Variants in LURAP1L observed in about 807,000 individuals in gnomAD.
LURAP1L encodes leucine rich adaptor protein 1-like.
Under a neutral mutation model 13.8 loss-of-function variants are expected in LURAP1L, and 12 were observed. The observed-to-expected ratio is 0.87, with a 90% CI of 0.56 to 1.41. LURAP1L has a LOEUF of 1.41. Among genes scored for constraint, LURAP1L ranks in the 40% most tolerant of loss-of-function variants. The pLI, the probability that LURAP1L is intolerant of heterozygous loss-of-function variation, is 0.00. For missense variants in LURAP1L, 375 were observed against 292.9 expected, an observed-to-expected ratio of 1.28 and a Z score of -2.04; for synonymous variants, 139 against 119.2, an observed-to-expected ratio of 1.17 and a Z score of -1.08.
chr9:12,820,107 C>G (rs1378259570), intron 1 of LURAP1L, among the ~76,000 whole-genome samples: 3 of 152,144 alleles, frequency 2.0e-5, no homozygotes, highest in Non-Finnish European at 4.4e-5. Flanking sequence ...AACACCACCT[C>G]TTGATATTAG....
chr9:12,817,171 T>C (rs1021105294), intron 1 of LURAP1L, among the ~76,000 whole-genome samples: 1 of 152,194 alleles, frequency 6.6e-6, no homozygotes, highest in African/African-American at 2.4e-5. Context: ...GAAGGCATTA[T>C]CTGCTGGGAA....
chr9:12,815,372 T>A (rs1819790711), intron 1 of LURAP1L, among the ~76,000 whole-genome samples: 1 of 152,164 alleles, frequency 6.6e-6, no homozygotes, highest in African/African-American at 2.4e-5. Context: ...CTAAAATAAA[T>A]GTGGATAGAA....
chr9:12,775,956 T>A lies in LURAP1L; in HGVS notation c.241T>A (p.Ser81Thr). The A allele has an allele frequency of 6.3e-7, 1 of 1,593,128 alleles. No individual in the cohort carries two copies. Among genetic ancestry groups the A allele is most frequent in the Non-Finnish European group, 8.5e-7 (1 of 1,169,986 alleles). ...SSSSSSPTSG[S>T]PRGSHSSALE... is the part of the protein sequence containing the mutation. ...CTCTTCGTCCTCCCCAACCTCTGGCTCCCCACGAGGTAGCCACTCTAGCGC... is the reference window on the plus strand; with the variant it reads ...CTCTTCGTCCTCCCCAACCTCTGGCACCCCACGAGGTAGCCACTCTAGCGC... Residue 81 changes from serine (S) to threonine (T), a missense_variant, in exon 1 of 2, where the codon TCC becomes ACC. By Grantham distance (58) the Ser-to-Thr change is moderately conservative. Transcript: ENST00000319264.
intron 1 of LURAP1L, among the ~76,000 whole-genome samples, chr9:12,802,375 T>G (rs1819599269): frequency 6.6e-6 from 1 of 152,142 alleles, no homozygotes; most frequent in South Asian, 2.1e-4. Flanking sequence ...ATCACTCTCC[T>G]TGATGCTGTC....
intron 1 of LURAP1L, among the ~76,000 whole-genome samples, chr9:12,810,377 A>T: frequency 6.6e-6 from 1 of 152,148 alleles, no homozygotes; most frequent in East Asian, 1.9e-4. Context: ...CTCTGTATCC[A>T]TGTGTCTGTC....
At chr9:12,789,096 AAAAAG>A (rs954539767) in intron 1 of LURAP1L, among the ~76,000 whole-genome samples, 2 of 151,312 alleles carry the variant, frequency 1.3e-5, no homozygotes, top group Non-Finnish European at 2.9e-5. Flanking sequence ...CCCCCAAAAA[AAAAAG>A]AAAAGAAAAG....
intron 1 of LURAP1L, among the ~76,000 whole-genome samples, chr9:12,805,861 C>T (rs1819650007): frequency 6.6e-6 from 1 of 152,088 alleles, no homozygotes; most frequent in Non-Finnish European, 1.5e-5. Flanking sequence ...GATCCAGTAG[C>T]AGTTGTGAAA....
chr9:12,799,920 T>G (rs564434264), intron 1 of LURAP1L, among the ~76,000 whole-genome samples: 1 of 152,168 alleles, frequency 6.6e-6, no homozygotes, highest in African/African-American at 2.4e-5. Flanking sequence ...TTCTATGTAT[T>G]TATTTACACA....
At chr9:12,819,647 G>T (rs1183938205) in intron 1 of LURAP1L, among the ~76,000 whole-genome samples, 1 of 152,110 alleles carries the variant, frequency 6.6e-6, no homozygotes, top group Admixed American at 6.5e-5. Flanking sequence ...TGGAGGGACA[G>T]AAATCGGTTT....
chr9:12,815,834 C>T (rs1262611934), intron 1 of LURAP1L, among the ~76,000 whole-genome samples: 1 of 152,124 alleles, frequency 6.6e-6, no homozygotes, highest in African/African-American at 2.4e-5. Context: ...AGATGATATG[C>T]ACGTTTGTCT....
intron 1 of LURAP1L, among the ~76,000 whole-genome samples, chr9:12,796,285 CA>C (rs1160911694): frequency 1.3e-5 from 2 of 151,504 alleles, no homozygotes; most frequent in African/African-American, 4.8e-5. Flanking sequence ...GAAGAGTGAC[CA>C]AAAAAACACC....
intron 1 of LURAP1L, among the ~76,000 whole-genome samples, chr9:12,811,375 A>G (rs1041713301): frequency 6.6e-6 from 1 of 152,204 alleles, no homozygotes; most frequent in African/African-American, 2.4e-5. Context: ...TTATAAGTGA[A>G]ATATGTTGAA....
chr9:12,818,784 T>C (rs560133252), intron 1 of LURAP1L, among the ~76,000 whole-genome samples: 48 of 151,832 alleles, frequency 3.2e-4, no homozygotes, highest in African/African-American at 1.2e-3. Context: ...TGGGAGAGGG[T>C]GGAGATGTGA....
At chr9:12,814,766 T>C (rs1819782190) in intron 1 of LURAP1L, among the ~76,000 whole-genome samples, 1 of 152,238 alleles carries the variant, frequency 6.6e-6, no homozygotes, top group African/African-American at 2.4e-5. Flanking sequence ...TATTTTTATG[T>C]ATGTAATTTA....
At chr9:12,815,102 G>C (rs1407989208) in intron 1 of LURAP1L, among the ~76,000 whole-genome samples, 1 of 152,104 alleles carries the variant, frequency 6.6e-6, no homozygotes, top group Non-Finnish European at 1.5e-5. Flanking sequence ...ATATTTTTAT[G>C]GATCTTCTGA....
intron 1 of LURAP1L, among the ~76,000 whole-genome samples, chr9:12,793,684 G>A (rs966252481): frequency 5.3e-5 from 8 of 151,998 alleles, no homozygotes; most frequent in African/African-American, 1.9e-4. Flanking sequence ...AATGACCATT[G>A]TGCATTATGA....
chr9:12,806,142 A>C (rs1328884908), intron 1 of LURAP1L, among the ~76,000 whole-genome samples: 1 of 152,138 alleles, frequency 6.6e-6, no homozygotes, highest in Admixed American at 6.5e-5. Flanking sequence ...TTTTTTAAAA[A>C]GTTGAAAACA....
intron 1 of LURAP1L, among the ~76,000 whole-genome samples, chr9:12,791,322 C>G (rs1382458863): frequency 6.6e-6 from 1 of 152,024 alleles, no homozygotes. Flanking sequence ...ACAAAACCAG[C>G]AGCTGTGTGG....
chr9:12,788,185 A>AAGAAAGAAAGAAAGAAAGAAAGAAAGAG, intron 1 of LURAP1L, among the ~76,000 whole-genome samples: 1 of 147,912 alleles, frequency 6.8e-6, no homozygotes, highest in Admixed American at 6.8e-5. Context: ...GAAAGAAAGA[A>AAGAAAGAAAGAAAGAAAGAAAGAAAGAG]AGAAAGAAAA....
Sources: allele counts gnomAD v4.1 joint callset (sites outside exome capture counted in the v4.1 genomes callset), GRCh38; gene constraint gnomAD v4.1.1; transcripts MANE v1.5; gene names NCBI Gene and HGNC (gene_info 2026-07-23, HGNC 2026-07-21).